The following GLI3 variants were observed in gnomAD, a reference collection of about 807,000 sequenced individuals.
GLI3 encodes GLI family zinc finger 3.
Under a neutral mutation model 100.8 loss-of-function variants are expected in GLI3, and 20 were observed. That is an observed-to-expected ratio of 0.20 (90% CI 0.14 to 0.29). The LOEUF is 0.29. Among genes scored for constraint, GLI3 ranks in the 10% least tolerant of loss-of-function variants. GLI3 has a pLI of 1.00. For missense variants in GLI3, 2,040 were observed against 2,128.5 expected, an observed-to-expected ratio of 0.96 and a Z score of 0.82; for synonymous variants, 938 against 860.5, an observed-to-expected ratio of 1.09 and a Z score of -1.58.
At chr7:42,185,681 T>C (rs3779176) in intron 2 of GLI3, among the ~76,000 whole-genome samples, 11,308 of 152,308 alleles carry the variant, frequency 0.074, 441 homozygotes, top group African/African-American at 0.099. Context: ...CTACAGAGTA[T>C]ATGTGCATTG....
chr7:41,977,702 G>A lies in GLI3; in HGVS notation c.1668C>T (p.Ala556=), dbSNP rs1487202419. The part of the protein sequence containing the change: ...HKCTFEGCTK[A]YSRLENLKTH... ...TTTTCAAGTTTTCTAGTCTCGAGTA[G>A]GCCTTTGTGCAACCTTCAAACTGAG... Residue 556 remains alanine (A), a synonymous_variant, in exon 12 of 15, where the codon GCC becomes GCT. Transcript: ENST00000395925. 2 of 1,613,904 alleles carry A rather than the reference G, an allele frequency of 1.2e-6. No individual in the cohort carries two copies. The highest frequency in any genetic ancestry group is 1.7e-5 in the Admixed American group (1 of 60,004).
chr7:42,226,210 G>A (rs1231811776), intron 1 of GLI3, among the ~76,000 whole-genome samples: 1 of 152,162 alleles, frequency 6.6e-6, no homozygotes, highest in Non-Finnish European at 1.5e-5. Context: ...TTTGAGTAGA[G>A]TCTACAACGT....
chr7:42,038,193 G>T (rs1026273230), intron 7 of GLI3, among the ~76,000 whole-genome samples: 1 of 152,146 alleles, frequency 6.6e-6, no homozygotes, highest in African/African-American at 2.4e-5. Flanking sequence ...AGGAATATTC[G>T]CCAGGAGTGC....
chr7:42,034,383 C>T (rs2128736001), intron 7 of GLI3, among the ~76,000 whole-genome samples: 1 of 152,270 alleles, frequency 6.6e-6, no homozygotes, highest in East Asian at 1.9e-4. Context: ...GTTTCCTTAT[C>T]TGTAAAATTA....
intron 13 of GLI3, among the ~76,000 whole-genome samples, chr7:41,968,739 A>AGAAAGAAGGAAGGAAG (rs1562661916): frequency 7.5e-6 from 1 of 133,088 alleles, no homozygotes; most frequent in Non-Finnish European, 1.5e-5. Context: ...AAAGAAAGAA[A>AGAAAGAAGGAAGGAAG]GAAAGAAAGA....
chr7:41,968,749 A>C (rs1787281066), intron 13 of GLI3, among the ~76,000 whole-genome samples: 1 of 136,772 alleles, frequency 7.3e-6, no homozygotes, highest in Non-Finnish European at 1.5e-5. Context: ...AGAAAGAAAG[A>C]AAGAAAGAAA....
chr7:42,229,708 A>G (rs934984060), intron 1 of GLI3, among the ~76,000 whole-genome samples: 1 of 152,192 alleles, frequency 6.6e-6, no homozygotes, highest in Non-Finnish European at 1.5e-5. Flanking sequence ...TATTAAAGAT[A>G]TGTACCTCCC....
chr7:41,964,348 G>T lies in GLI3; in HGVS notation c.4725C>A (p.Phe1575Leu). ...CTAAAGCCTATTGCATAACTGCAAG[G>T]AATTTGCTTTCTTCCGCTAGGGAGG... The part of the protein sequence containing the change: ...LLTSLAEESK[F>L]LAVMQ Residue 1575 changes from phenylalanine to leucine, a missense_variant, in exon 15 of 15, where the codon TTC becomes TTA. By Grantham distance (22) the Phe-to-Leu change is conservative (BLOSUM62 0). Around this residue, in one of 5 missense-constraint regions of GLI3, gnomAD observed 1,041 missense variants for 924.0 expected, o/e 1.13. Transcript: ENST00000395925. 1 of 1,614,110 alleles carries T rather than the reference G, an allele frequency of 6.2e-7. No homozygotes were observed. The highest frequency in any genetic ancestry group is 8.5e-7 in the Non-Finnish European group (1 of 1,179,930).
At chr7:42,164,185 G>A (rs964656297) in intron 2 of GLI3, among the ~76,000 whole-genome samples, 1 of 152,204 alleles carries the variant, frequency 6.6e-6, no homozygotes, top group Non-Finnish European at 1.5e-5. Flanking sequence ...TTGAAAGCTG[G>A]TGTTTTAATA....
intron 3 of GLI3, among the ~76,000 whole-genome samples, chr7:42,106,333 C>A (rs953922273): frequency 6.6e-6 from 1 of 152,224 alleles, no homozygotes. Context: ...AGCCTAAGGC[C>A]TCAGGGTCCA....
intron 3 of GLI3, among the ~76,000 whole-genome samples, chr7:42,084,930 T>TC (rs1785071558): frequency 9.6e-6 from 1 of 104,122 alleles, no homozygotes; most frequent in African/African-American, 4.1e-5. Context: ...TTTTTTTTTT[T>TC]AGATTGAGTC....
At chr7:42,259,365 G>T (rs1789116963) in intron 1 of GLI3, among the ~76,000 whole-genome samples, 1 of 152,178 alleles carries the variant, frequency 6.6e-6, no homozygotes, top group African/African-American at 2.4e-5. Flanking sequence ...TTAGGGCTTA[G>T]AACTCTGTTT....
At chr7:42,202,360 ACACACACACACACACACACACACT>A (rs1316684764) in intron 2 of GLI3, among the ~76,000 whole-genome samples, 2 of 150,744 alleles carry the variant, frequency 1.3e-5, no homozygotes, top group African/African-American at 2.4e-5. Context: ...ACACACACAC[ACACACACACACACACACACACACT>A]CACACACACA....
rs1787375082 is a variant in GLI3, at chr7:41,972,005, A to T, written c.2103+332T>A. ...TATTTACCTTGGGGTCACCAGGGCA[A>T]AGAAGACAGAAAGCATGTTTACAGG... On this transcript the variant is annotated intron_variant, in intron 13 of 14. Coordinates refer to ENST00000395925, the MANE Select transcript of GLI3 (RefSeq NM_000168.6). The surrounding 1 kb of genome is among the most constrained non-coding windows in gnomAD (Gnocchi z 4.4). Among the ~76,000 whole-genome samples the T allele has an allele frequency of 6.6e-6, 1 of 152,242 alleles. No homozygotes were observed. Among genetic ancestry groups the T allele is most frequent in the African/African-American group, 2.4e-5 (1 of 41,468 alleles).
At chr7:42,203,444 A>C (rs763467714) in intron 2 of GLI3, among the ~76,000 whole-genome samples, 1 of 151,930 alleles carries the variant, frequency 6.6e-6, no homozygotes, top group Non-Finnish European at 1.5e-5. Flanking sequence ...TCTCTACTTC[A>C]ATTTTACCTC....
chr7:42,043,468 T>C (rs1784183845), intron 6 of GLI3, among the ~76,000 whole-genome samples: 1 of 152,226 alleles, frequency 6.6e-6, no homozygotes, highest in African/African-American at 2.4e-5. Flanking sequence ...AGCCCAGTTC[T>C]TCACTGATCA....
At chr7:42,158,203 C>T (rs185358973) in intron 2 of GLI3, among the ~76,000 whole-genome samples, 1 of 152,300 alleles carries the variant, frequency 6.6e-6, no homozygotes, top group Admixed American at 6.5e-5. Context: ...ATTTATTGAG[C>T]ACTTACTAAA....
intron 3 of GLI3, among the ~76,000 whole-genome samples, chr7:42,139,198 T>C (rs1786505987): frequency 6.6e-6 from 1 of 152,138 alleles, no homozygotes; most frequent in Non-Finnish European, 1.5e-5. Flanking sequence ...TTGAACACTG[T>C]AAGTGGAAAT....
chr7:42,118,469 G>C (rs1468642121), intron 3 of GLI3: 4 of 395,312 alleles, frequency 1.0e-5, no homozygotes, highest in African/African-American at 4.1e-5. Flanking sequence ...ACAGCAACTA[G>C]AGACCCCTAG....
Sources: allele counts gnomAD v4.1 joint callset (sites outside exome capture counted in the v4.1 genomes callset), GRCh38; gene constraint gnomAD v4.1.1; regional missense constraint gnomAD v4.1.1; non-coding constraint Gnocchi (gnomAD v3.1); transcripts MANE v1.5; gene names NCBI Gene and HGNC (gene_info 2026-07-23, HGNC 2026-07-21).